Variants in PRKAR1B observed in about 807,000 individuals in gnomAD.
The protein encoded by PRKAR1B is cAMP-dependent protein kinase type I-beta regulatory subunit.
PRKAR1B carries 22 observed loss-of-function variants against 46.5 expected under a neutral mutation model. That is an observed-to-expected ratio of 0.47 (90% confidence interval 0.34 to 0.68). PRKAR1B has a LOEUF of 0.68. Among genes scored for constraint, PRKAR1B ranks in the 30% least tolerant of loss-of-function variants. PRKAR1B has a pLI of 0.01. For synonymous variants in PRKAR1B, 259 were observed against 217.7 expected, an observed-to-expected ratio of 1.19 and a Z score of -1.67; for missense variants, 445 against 535.6, an observed-to-expected ratio of 0.83 and a Z score of 1.67.
chr7:585,037 G>C (rs949048473), intron 7 of PRKAR1B, among the ~76,000 whole-genome samples: 1 of 152,076 alleles, frequency 6.6e-6, no homozygotes, highest in African/African-American at 2.4e-5. Context: ...AAGCTGCCTC[G>C]TTACCCATTA....
rs1780488142 is a variant in PRKAR1B at position 584,523 on chromosome 7, T to G, written c.754A>C (p.Lys252Gln). The change falls in exon 8 of 11, where the codon AAG becomes CAG. Residue 252 changes from lysine to glutamine, a missense_variant. By Grantham distance (53) the Lys-to-Gln change is moderately conservative (BLOSUM62 1). Transcript: ENST00000537384. ...KRKMYEEFLS[K>Q]VSILESLEKW... Reference sequence around the variant, plus strand: ...AGCCACTGACCTAGGATGGAGACCTTGCTGAGGAACTCCTCGTACATCTTG... The same window carrying G: ...AGCCACTGACCTAGGATGGAGACCTGGCTGAGGAACTCCTCGTACATCTTG... 3.1e-6 allele frequency: 5 copies of G among 1,613,932 alleles called. No individual in the cohort carries two copies. Among genetic ancestry groups the G allele is most frequent in the Non-Finnish European group, 4.2e-6 (5 of 1,179,974 alleles).
At chr7:566,658 T>TCACCACCAC (rs1779182203) in intron 9 of PRKAR1B, among the ~76,000 whole-genome samples, 1 of 50 alleles carries the variant, frequency 0.02, no homozygotes, top group Non-Finnish European at 0.042. Context: ...ATCACCATCA[T>TCACCACCAC]CACCATCACC....
Position 604,354 on chromosome 7 carries a change from C to T in PRKAR1B, c.549+1839G>A, listed in dbSNP as rs962497894. Among the ~76,000 whole-genome samples the T allele has an allele frequency of 3.3e-5, 5 of 152,242 alleles. No individual in the cohort carries two copies. In the East Asian group the frequency reaches 9.6e-4, roughly 29 times the overall value. ...GTGCCGCCCTCCAGCCTTCCCCCTC[C>T]ACACTTCCTCTGAGGCCGGGCAGTA... On this transcript the variant is annotated intron_variant, in intron 6 of 10. Transcript: ENST00000537384.
intron 1 of PRKAR1B, among the ~76,000 whole-genome samples, chr7:722,186 C>T (rs1781099098): frequency 6.7e-6 from 1 of 149,188 alleles, no homozygotes; most frequent in Non-Finnish European, 1.5e-5. Context: ...CTACAACCTC[C>T]ACCTCCTGGG....
intron 2 of PRKAR1B, among the ~76,000 whole-genome samples, chr7:701,169 G>A (rs1418255621): frequency 1.3e-5 from 2 of 150,348 alleles, no homozygotes; most frequent in African/African-American, 4.9e-5. Flanking sequence ...GCCTGGGCAA[G>A]AGAGCGAGAC....
chr7:704,546 C>T (rs980374983), intron 2 of PRKAR1B, among the ~76,000 whole-genome samples: 3 of 152,102 alleles, frequency 2.0e-5, no homozygotes, highest in Non-Finnish European at 4.4e-5. Flanking sequence ...GAGGCCGAGG[C>T]GGGTGGATCA....
At chr7:699,387 G>T (rs1779942611) in intron 2 of PRKAR1B, among the ~76,000 whole-genome samples, 4 of 152,228 alleles carry the variant, frequency 2.6e-5, no homozygotes, top group Admixed American at 2.6e-4. Flanking sequence ...GGAAGGCACT[G>T]ACGGTTAGGG....
chr7:630,350 G>A (rs1019863455), intron 4 of PRKAR1B, among the ~76,000 whole-genome samples: 4 of 152,156 alleles, frequency 2.6e-5, no homozygotes, highest in South Asian at 2.1e-4. Flanking sequence ...CTGGCCGGCC[G>A]GGAGCTGGAA....
At position 714,067 on chromosome 7, in the gene PRKAR1B, C is replaced by G. The variant is rs1053853495; in HGVS notation, c.-22-2540G>C. On this transcript the variant is annotated intron_variant, in intron 1 of 10. Transcript: ENST00000537384. The surrounding 1 kb of genome is among the most constrained non-coding windows in gnomAD (Gnocchi z 4.3). Reference sequence around the variant, plus strand: ...GACCAGCAGTACCATCACGTGCTCCCCGCGGCCCCTCCACTCCCTCCTCCT... The same window carrying G: ...GACCAGCAGTACCATCACGTGCTCCGCGCGGCCCCTCCACTCCCTCCTCCT... Among the ~76,000 whole-genome samples, 7 of 152,210 alleles carry G rather than the reference C, an allele frequency of 4.6e-5. No individual in the cohort carries two copies. The highest frequency in any genetic ancestry group is 1.7e-4 in the African/African-American group (7 of 41,448).
At chr7:565,392 C>T (rs1779065658) in intron 9 of PRKAR1B, 1 of 152,256 alleles carries the variant, frequency 6.6e-6, no homozygotes, top group African/African-American at 2.4e-5. Flanking sequence ...TGCCACCTCC[C>T]TGGAGTCCCT....
intron 5 of PRKAR1B, among the ~76,000 whole-genome samples, chr7:606,904 A>C (rs1782107447): frequency 6.6e-6 from 1 of 152,164 alleles, no homozygotes; most frequent in East Asian, 1.9e-4. Context: ...ATATGTGTAC[A>C]TATATGTATA....
At chr7:678,701 C>T (rs909040981) in intron 3 of PRKAR1B, among the ~76,000 whole-genome samples, 1 of 152,250 alleles carries the variant, frequency 6.6e-6, no homozygotes, top group Middle Eastern at 3.2e-3. Flanking sequence ...AGGTGTGCTG[C>T]GTGTAACGCA....
chr7:571,833 C>T lies in PRKAR1B; in HGVS notation c.891+7423G>A, dbSNP rs561018386. Among the ~76,000 whole-genome samples the T allele has an allele frequency of 2.8e-4, 42 of 152,332 alleles. 1 individual carries two copies. Among genetic ancestry groups the T allele is most frequent in the Non-Finnish European group, 4.6e-4 (31 of 68,018 alleles). The stretch of plus-strand genomic sequence containing the variant: ...CCGGCCGAATGCCGCTCCACTTTCC[C>T]GTCCGCGGTGAGGTGACGGAACAGC... On this transcript the variant is annotated intron_variant, in intron 9 of 10. Coordinates refer to ENST00000537384, the MANE Select transcript of PRKAR1B (RefSeq NM_001164760.2).
intron 4 of PRKAR1B, among the ~76,000 whole-genome samples, chr7:670,689 T>C (rs182800025): frequency 0.01 from 1,411 of 141,056 alleles, 17 homozygotes; most frequent in Middle Eastern, 0.029. Flanking sequence ...CAGGACGGCC[T>C]CCGAGCTCCC....
rs75085414 is a variant in PRKAR1B at position 663,283 on chromosome 7, G to C, written c.440+13946C>G. ...GCCCTGTCACCCAGGCTGGAGAGAG[G>C]AGTGGTGCAATCACAGCTCACCGTA... is the stretch of plus-strand genomic sequence containing the variant. On this transcript the variant is annotated intron_variant, in intron 4 of 10. Transcript: ENST00000537384. 0.01 allele frequency among the ~76,000 whole-genome samples: 1,597 copies of C among 152,246 alleles called. 31 individuals carry two copies. In the East Asian group the frequency reaches 0.11, roughly 10 times the overall value.
chr7:565,241 G>T (rs1162218121), intron 9 of PRKAR1B: 2 of 152,278 alleles, frequency 1.3e-5, no homozygotes, highest in African/African-American at 4.8e-5. Flanking sequence ...GACCCCAAAG[G>T]TGTCCAGCTT....
chr7:641,366 C>T (rs377063352), intron 4 of PRKAR1B, among the ~76,000 whole-genome samples: 11 of 152,318 alleles, frequency 7.2e-5, no homozygotes, highest in African/African-American at 2.6e-4. Flanking sequence ...CTGTTCACGC[C>T]GTATTGTTCA....
intron 2 of PRKAR1B, among the ~76,000 whole-genome samples, chr7:710,460 G>A (rs553066042): frequency 3.5e-4 from 53 of 152,220 alleles, no homozygotes; most frequent in African/African-American, 1.2e-3. Flanking sequence ...AAAGAGCCCA[G>A]ATGCAGGAGG....
intron 8 of PRKAR1B, among the ~76,000 whole-genome samples, chr7:580,346 G>A (rs1780101804): frequency 6.6e-6 from 1 of 151,900 alleles, no homozygotes; most frequent in Non-Finnish European, 1.5e-5. Context: ...CTGAGCTCAG[G>A]AGTTCGAGAC....
Sources: allele counts gnomAD v4.1 joint callset (sites outside exome capture counted in the v4.1 genomes callset), GRCh38; gene constraint gnomAD v4.1.1; non-coding constraint Gnocchi (gnomAD v3.1); transcripts MANE v1.5; gene names NCBI Gene and HGNC (gene_info 2026-07-23, HGNC 2026-07-21).